The following GABBR2 variants were observed in gnomAD, a reference collection of about 807,000 sequenced individuals.
GABBR2 encodes G-protein coupled receptor 51.
In GABBR2, 23 loss-of-function variants were observed where a neutral mutation model predicts 105.6. The observed-to-expected ratio is 0.22, with a 90% confidence interval of 0.16 to 0.31. The LOEUF (loss-of-function observed/expected upper bound fraction) is 0.31. Ranked by LOEUF, GABBR2 falls within the 10% of genes least tolerant of loss-of-function variation. The probability of loss-of-function intolerance (pLI) is 1.00; values close to 1 mark genes in which losing one functional copy is unlikely to be tolerated. For missense variants in GABBR2, 734 were observed against 1,245.5 expected (o/e 0.59, Z 6.18); for synonymous variants, 478 against 499.7 (o/e 0.96, Z 0.58).
intron 17 of GABBR2, among the ~76,000 whole-genome samples, chr9:98,297,354 T>G (rs1413772423): frequency 6.6e-6 from 1 of 152,212 alleles, no homozygotes; most frequent in Non-Finnish European, 1.5e-5. Flanking sequence ...CTTATGCCTG[T>G]AATCCCAGTA....
chr9:98,472,837 C>A (rs1588180013), intron 6 of GABBR2, among the ~76,000 whole-genome samples: 2 of 152,192 alleles, frequency 1.3e-5, no homozygotes, highest in African/African-American at 2.4e-5. Flanking sequence ...ACGGGATGAA[C>A]TTTTACAGAG....
At chr9:98,632,242 C>T (rs538211450) in intron 1 of GABBR2, among the ~76,000 whole-genome samples, 9 of 152,184 alleles carry the variant, frequency 5.9e-5, no homozygotes, top group African/African-American at 2.2e-4. Flanking sequence ...AGGCAAGCTC[C>T]TTAACCTCTC....
chr9:98,450,615 A>T (rs1319832174), intron 7 of GABBR2, among the ~76,000 whole-genome samples: 1 of 152,186 alleles, frequency 6.6e-6, no homozygotes, highest in East Asian at 1.9e-4. Context: ...CGTGGCTCTG[A>T]AGGAGTCATT....
chr9:98,570,657 C>T (rs138024413), intron 2 of GABBR2, among the ~76,000 whole-genome samples: 16 of 152,266 alleles, frequency 1.1e-4, no homozygotes, highest in Middle Eastern at 3.4e-3. Context: ...GCAGGACTGC[C>T]CCAAAAACTG....
intron 13 of GABBR2, among the ~76,000 whole-genome samples, chr9:98,311,860 T>C (rs1830641716): frequency 6.6e-6 from 1 of 152,232 alleles, no homozygotes; most frequent in Non-Finnish European, 1.5e-5. Context: ...TAATGAGGGT[T>C]GATGGAGAGG....
chr9:98,357,410 G>A (rs559294234), intron 13 of GABBR2, among the ~76,000 whole-genome samples: 1 of 152,160 alleles, frequency 6.6e-6, no homozygotes, highest in African/African-American at 2.4e-5. Flanking sequence ...CACTTTGGGA[G>A]GCCAGGGCAG....
At chr9:98,636,273 G>A (rs1262038432) in intron 1 of GABBR2, among the ~76,000 whole-genome samples, 2 of 152,286 alleles carry the variant, frequency 1.3e-5, no homozygotes, top group African/African-American at 4.8e-5. Flanking sequence ...AGGCAGAGCA[G>A]TGGCTTCTGG....
At chr9:98,487,532 T>C (rs1218631079) in intron 4 of GABBR2, among the ~76,000 whole-genome samples, 1 of 151,892 alleles carries the variant, frequency 6.6e-6, no homozygotes, top group Admixed American at 6.6e-5. Flanking sequence ...CCCAGCACAT[T>C]AGGAGGCCAA....
chr9:98,382,370 G>A (rs1831992909), intron 11 of GABBR2, among the ~76,000 whole-genome samples: 1 of 152,134 alleles, frequency 6.6e-6, no homozygotes, highest in South Asian at 2.1e-4. Flanking sequence ...CAGGAGTGCA[G>A]TGGCACGATC....
chr9:98,310,486 GACCC>G (rs996712615), intron 14 of GABBR2, among the ~76,000 whole-genome samples: 1 of 152,128 alleles, frequency 6.6e-6, no homozygotes, highest in African/African-American at 2.4e-5. Flanking sequence ...GACCTCAGGT[GACCC>G]ACCCACCTCG....
In GABBR2 at chr9:98,606,558, G is replaced by A. The variant is rs147523435; in HGVS notation, c.322-28486C>T. Among the ~76,000 whole-genome samples, 400 of 139,124 alleles carry A rather than the reference G, an allele frequency of 2.9e-3. 11 individuals carry two copies. The East Asian group carries it at 0.038, about 13-fold the overall frequency. The allele number at this position is 139,124 out of a possible 152,430, so 91.3% of individuals were successfully genotyped here. Reference sequence around the variant, plus strand: ...TGCAATGGCACAGTCTTGGCTCACCGCAACCTCCACCTCCCAGGTTCAAGC... The same window carrying A: ...TGCAATGGCACAGTCTTGGCTCACCACAACCTCCACCTCCCAGGTTCAAGC... On this transcript the variant is annotated intron_variant, in intron 1 of 18. Transcript: ENST00000259455.
At chr9:98,383,858 A>C (rs1185343678) in intron 11 of GABBR2, among the ~76,000 whole-genome samples, 1 of 152,174 alleles carries the variant, frequency 6.6e-6, no homozygotes, top group Non-Finnish European at 1.5e-5. Context: ...GCCTGGACTC[A>C]GTCCTCAAAA....
intron 16 of GABBR2, among the ~76,000 whole-genome samples, chr9:98,301,015 G>C (rs1184874716): frequency 1.3e-5 from 2 of 152,212 alleles, no homozygotes; most frequent in Non-Finnish European, 2.9e-5. Context: ...TGGGGCCCAG[G>C]GAGGCAGGGA....
At chr9:98,692,115 C>A (rs1354544678) in intron 1 of GABBR2, among the ~76,000 whole-genome samples, 2 of 152,114 alleles carry the variant, frequency 1.3e-5, no homozygotes, top group Non-Finnish European at 2.9e-5. Flanking sequence ...GTGGCTTGCC[C>A]AAAACTAACA....
intron 1 of GABBR2, among the ~76,000 whole-genome samples, chr9:98,681,242 C>G (rs1355656282): frequency 7.3e-6 from 1 of 137,916 alleles, no homozygotes; most frequent in East Asian, 2.0e-4. Context: ...CACATATACA[C>G]CATGGAATAC....
intron 1 of GABBR2, among the ~76,000 whole-genome samples, chr9:98,642,037 C>T (rs947337520): frequency 9.9e-5 from 15 of 152,242 alleles, no homozygotes; most frequent in African/African-American, 2.4e-4. Context: ...TTCCCGCTTA[C>T]GGCAGCCCTG....
chr9:98,655,281 G>GA (rs1324849488), intron 1 of GABBR2, among the ~76,000 whole-genome samples: 1 of 152,144 alleles, frequency 6.6e-6, no homozygotes, highest in African/African-American at 2.4e-5. Flanking sequence ...TCTGGTGGGG[G>GA]ATGTCGATAA....
intron 1 of GABBR2, among the ~76,000 whole-genome samples, chr9:98,601,918 C>T (rs1213409340): frequency 1.3e-5 from 2 of 152,216 alleles, no homozygotes; most frequent in African/African-American, 2.4e-5. Context: ...AAGTACAGCA[C>T]AAACAATGTG....
chr9:98,363,424 T>C (rs1040897474), intron 12 of GABBR2, among the ~76,000 whole-genome samples: 2 of 152,220 alleles, frequency 1.3e-5, no homozygotes, highest in African/African-American at 4.8e-5. Context: ...TTATTCTTAT[T>C]TTATGGATGA....
Sources: allele counts gnomAD v4.1 joint callset (sites outside exome capture counted in the v4.1 genomes callset), GRCh38; gene constraint gnomAD v4.1.1; transcripts MANE v1.5; gene names NCBI Gene and HGNC (gene_info 2026-07-23, HGNC 2026-07-21).